Variants in MGST1 observed in about 807,000 individuals in gnomAD.
MGST1 encodes microsomal glutathione S-transferase 1.
Under a neutral mutation model 8.9 loss-of-function variants are expected in MGST1, and 5 were observed. That is an observed-to-expected ratio of 0.56 (90% CI 0.29 to 1.19). The LOEUF is 1.19. Ranked by LOEUF, MGST1 falls within the 50% of genes most tolerant of loss-of-function variation. The probability of loss-of-function intolerance (pLI) is 0.08; values close to 1 mark genes in which losing one functional copy is unlikely to be tolerated. For synonymous variants in MGST1, 54 were observed against 67.8 expected (o/e 0.80, Z 1.00); for missense variants, 182 against 187.4 (o/e 0.97, Z 0.17).
At chr12:16,542,690 G>T (rs912499277) in intron 4 of MGST1, among the ~76,000 whole-genome samples, 2 of 151,976 alleles carry the variant, frequency 1.3e-5, no homozygotes, top group Admixed American at 6.6e-5. Flanking sequence ...TCTTTCTTTG[G>T]TTTTTACCAA....
At chr12:16,430,492 T>G (rs868389396) in intron 1 of MGST1, among the ~76,000 whole-genome samples, 1 of 152,194 alleles carries the variant, frequency 6.6e-6, no homozygotes, top group South Asian at 2.1e-4. Context: ...TAATCTTTGA[T>G]CCGTGGGCTG....
intron 1 of MGST1, chr12:16,400,229 A>G (rs1287855694): frequency 2.3e-6 from 2 of 863,080 alleles, no homozygotes; most frequent in South Asian, 1.3e-5. Flanking sequence ...TCCATGTGCC[A>G]CTTCTTCCCA....
intron 4 of MGST1, chr12:16,567,358 T>C (rs1333078269): frequency 1.3e-5 from 2 of 153,422 alleles, no homozygotes; most frequent in African/African-American, 4.8e-5. Flanking sequence ...AAATGTTCAG[T>C]GGACTATGGG....
chr12:16,393,258 T>C (rs1940570138), intron 1 of MGST1, among the ~76,000 whole-genome samples: 1 of 152,184 alleles, frequency 6.6e-6, no homozygotes. Flanking sequence ...GTGACAGTGG[T>C]AGGAGAGTTT....
Position 16,554,791 on chromosome 12 carries a change from T to G in MGST1, n.483-34737T>G, listed in dbSNP as rs533345399. Among the ~76,000 whole-genome samples the G allele has an allele frequency of 1.7e-3, 259 of 152,294 alleles. 1 individual carries two copies. The highest frequency in any genetic ancestry group is 5.9e-3 in the African/African-American group (246 of 41,586). ...CCTGCCTCAGCCTCCCCAGTAGCTC[T>G]GACTACAGGCGCCCGCCACCTCGAC... On this transcript the variant is annotated intron_variant and non_coding_transcript_variant, in intron 4 of 4. Coordinates refer to the MGST1 transcript ENST00000538857.
At chr12:16,432,981 G>A (rs956090791) in intron 1 of MGST1, among the ~76,000 whole-genome samples, 1 of 151,956 alleles carries the variant, frequency 6.6e-6, no homozygotes, top group Non-Finnish European at 1.5e-5. Flanking sequence ...GTTCTCTAGA[G>A]GGACAGAATT....
At chr12:16,558,332 G>A (rs1565482695) in intron 4 of MGST1, among the ~76,000 whole-genome samples, 1 of 151,966 alleles carries the variant, frequency 6.6e-6, no homozygotes, top group Non-Finnish European at 1.5e-5. Flanking sequence ...TTCCTACTAT[G>A]AATATGTAAT....
At chr12:16,382,413 T>C (rs1940465174), upstream of MGST1, among the ~76,000 whole-genome samples, 1 of 152,228 alleles carries the variant, frequency 6.6e-6, no homozygotes, top group Non-Finnish European at 1.5e-5. Context: ...CTCCAGACCC[T>C]GTTTGCCTGG....
chr12:16,472,838 G>GA (rs1327461788), intron 4 of MGST1, among the ~76,000 whole-genome samples: 3 of 152,004 alleles, frequency 2.0e-5, no homozygotes, highest in African/African-American at 4.8e-5. Flanking sequence ...GAGAGGCAGG[G>GA]AAAAAAATCC....
chr12:16,422,528 G>A (rs1940847903), intron 1 of MGST1, among the ~76,000 whole-genome samples: 2 of 152,148 alleles, frequency 1.3e-5, no homozygotes, highest in Non-Finnish European at 2.9e-5. Context: ...GAGATGAGGT[G>A]CAATTTTGGT....
chr12:16,353,951 G>C (rs1056673734), intron 1 of MGST1, among the ~76,000 whole-genome samples: 3 of 151,600 alleles, frequency 2.0e-5, no homozygotes, highest in African/African-American at 7.3e-5. Context: ...GTAGAGATGG[G>C]GTTTCACCAT....
At chr12:16,451,313 A>G (rs954222240) in intron 4 of MGST1, among the ~76,000 whole-genome samples, 2 of 151,920 alleles carry the variant, frequency 1.3e-5, no homozygotes, top group Non-Finnish European at 2.9e-5. Flanking sequence ...ACTAGGTCCC[A>G]TGAGGCTAAA....
chr12:16,356,281 A>T (rs1939709599), intron 2 of MGST1, among the ~76,000 whole-genome samples: 2 of 152,198 alleles, frequency 1.3e-5, no homozygotes, highest in African/African-American at 4.8e-5. Flanking sequence ...ATTAAACCCA[A>T]TCTAATGCCC....
chr12:16,463,879 C>T (rs972152551), intron 4 of MGST1, among the ~76,000 whole-genome samples: 1 of 152,222 alleles, frequency 6.6e-6, no homozygotes, highest in African/African-American at 2.4e-5. Flanking sequence ...ATTACTTTAA[C>T]GTTAAATGCT....
At chr12:16,435,922 A>G (rs769164995) in intron 1 of MGST1, among the ~76,000 whole-genome samples, 3 of 151,834 alleles carry the variant, frequency 2.0e-5, no homozygotes, top group Non-Finnish European at 4.4e-5. Context: ...CATAAGAACT[A>G]TATAGGAAAA....
At chr12:16,545,531 AGTATACTTGTT>A (rs1343252825) in intron 4 of MGST1, among the ~76,000 whole-genome samples, 14 of 152,110 alleles carry the variant, frequency 9.2e-5, no homozygotes, top group African/African-American at 3.4e-4. Flanking sequence ...AAAGACAAAT[AGTATACTTGTT>A]GTATTATCTT....
intron 4 of MGST1, among the ~76,000 whole-genome samples, chr12:16,561,861 A>G (rs1466951008): frequency 6.6e-6 from 1 of 152,204 alleles, no homozygotes; most frequent in African/African-American, 2.4e-5. Context: ...GAAGGTAGAA[A>G]CAATAAATGC....
At chr12:16,520,513 G>C (rs1434160530) in intron 4 of MGST1, among the ~76,000 whole-genome samples, 1 of 152,134 alleles carries the variant, frequency 6.6e-6, no homozygotes, top group Non-Finnish European at 1.5e-5. Context: ...TCAGTGTTGG[G>C]AGGCGGCTAT....
chr12:16,416,785 A>G (rs970436215), intron 1 of MGST1, among the ~76,000 whole-genome samples: 3 of 152,218 alleles, frequency 2.0e-5, no homozygotes, highest in African/African-American at 4.8e-5. Flanking sequence ...TAGACTGGAG[A>G]GAAGCATTGA....
Sources: gnomAD v4.1 joint callset for allele counts (sites outside exome capture counted in the v4.1 genomes callset) on GRCh38, gnomAD v4.1.1 for gene constraint, MANE v1.5 for transcripts, NCBI Gene and HGNC (gene_info 2026-07-23, HGNC 2026-07-21) for gene names.